The following ITGB8 variants were observed in gnomAD, a reference collection of about 807,000 sequenced individuals.
ITGB8 encodes the protein integrin subunit beta 8.
A neutral mutation model predicts 89.5 loss-of-function variants in ITGB8; 30 were observed. That is an observed-to-expected ratio of 0.34 (90% confidence interval 0.25 to 0.45). The LOEUF (loss-of-function observed/expected upper bound fraction) is 0.45. Among genes scored for constraint, ITGB8 ranks in the 20% least tolerant of loss-of-function variants. ITGB8 has a pLI of 1.00. For missense variants in ITGB8, 836 were observed against 933.3 expected (o/e 0.90, Z 1.36); for synonymous variants, 335 against 320.4 (o/e 1.05, Z -0.49).
At chr7:20,386,405 A>ATT (rs759304002) in intron 6 of ITGB8, among the ~76,000 whole-genome samples, 4,740 of 80,068 alleles carry the variant, frequency 0.059, 36 homozygotes, top group African/African-American at 0.1. Flanking sequence ...CACCTGGCTA[A>ATT]TTTTTTTTTT....
rs530666175 is a variant in ITGB8 at position 20,372,904 on chromosome 7, A to T, written c.388+5718A>T. On this transcript the variant is annotated intron_variant, in intron 3 of 13. Transcript: ENST00000222573. ...AAAAAATGAATTTGACATCAAAGAC[A>T]TATCCGTCTTAGGGCATAATATATA... Among the ~76,000 whole-genome samples, 6 of 152,332 alleles carry T rather than the reference A, an allele frequency of 3.9e-5. No individual in the cohort carries two copies. The South Asian group carries it at 1.0e-3, about 26-fold the overall frequency.
chr7:20,387,471 G>T (rs1191673196), intron 6 of ITGB8, among the ~76,000 whole-genome samples: 1 of 152,244 alleles, frequency 6.6e-6, no homozygotes, highest in Non-Finnish European at 1.5e-5. Flanking sequence ...GGTTCAGACA[G>T]CTGCCCAGTG....
chr7:20,344,878 TG>T (rs1322837399), intron 1 of ITGB8, among the ~76,000 whole-genome samples: 2 of 152,206 alleles, frequency 1.3e-5, no homozygotes, highest in East Asian at 1.9e-4. Flanking sequence ...ACACTGTGCC[TG>T]GTATTGCTGT....
At chr7:20,408,922 G>T (rs1433515211) in intron 12 of ITGB8, among the ~76,000 whole-genome samples, 1 of 152,064 alleles carries the variant, frequency 6.6e-6, no homozygotes, top group Non-Finnish European at 1.5e-5. Context: ...ATGTTTAGAG[G>T]CAAATGGAAT....
rs118037448 is a variant in ITGB8, at chr7:20,382,991, C to T, written c.960+1106C>T. On this transcript the variant is annotated intron_variant, in intron 6 of 13. Transcript: ENST00000222573. ...TTGGTACCTGATACATGCTGAATGT[C>T]ACTGTATTTCTCTTGAAGATTTAAA... Among the ~76,000 whole-genome samples the T allele has an allele frequency of 8.9e-4, 136 of 152,340 alleles. 1 individual carries two copies. In the East Asian group the frequency reaches 0.024, roughly 27 times the overall value.
intron 3 of ITGB8, among the ~76,000 whole-genome samples, chr7:20,377,058 G>A (rs1048862282): frequency 6.6e-6 from 1 of 152,120 alleles, no homozygotes; most frequent in African/African-American, 2.4e-5. Context: ...GGGCCCTTGT[G>A]TGGCTAGCAT....
chr7:20,400,450 A>G (rs1256033425), intron 9 of ITGB8, among the ~76,000 whole-genome samples: 3 of 152,198 alleles, frequency 2.0e-5, no homozygotes, highest in Admixed American at 2.0e-4. Context: ...ATATTATGGA[A>G]CAAATTCTAA....
intron 10 of ITGB8, among the ~76,000 whole-genome samples, chr7:20,403,786 G>GA: frequency 5.0e-5 from 1 of 20,074 alleles, no homozygotes. Context: ...GAGGAAGGAA[G>GA]GGAGAGGGAG....
chr7:20,351,226 T>C (rs1235652150), intron 1 of ITGB8, among the ~76,000 whole-genome samples: 1 of 152,256 alleles, frequency 6.6e-6, no homozygotes, highest in African/African-American at 2.4e-5. Flanking sequence ...ATAATAGTAC[T>C]AATTAGCCAG....
chr7:20,375,582 T>C (rs1295070766), intron 3 of ITGB8, among the ~76,000 whole-genome samples: 1 of 152,208 alleles, frequency 6.6e-6, no homozygotes, highest in Non-Finnish European at 1.5e-5. Context: ...TTACTTAGGT[T>C]ACTTTCTGAG....
chr7:20,368,967 T>C (rs1562673357), intron 3 of ITGB8, among the ~76,000 whole-genome samples: 1 of 152,250 alleles, frequency 6.6e-6, no homozygotes, highest in Non-Finnish European at 1.5e-5. Context: ...CTTCAGGATC[T>C]TAATCCAGGC....
chr7:20,400,086 G>A (rs1341870356), intron 9 of ITGB8, among the ~76,000 whole-genome samples: 1 of 152,128 alleles, frequency 6.6e-6, no homozygotes, highest in East Asian at 1.9e-4. Context: ...TAAAACTACA[G>A]AGAAAACTTT....
chr7:20,339,020 T>C (rs529740268), intron 1 of ITGB8, among the ~76,000 whole-genome samples: 57 of 152,140 alleles, frequency 3.7e-4, no homozygotes, highest in African/African-American at 1.2e-3. Context: ...GGTGAAACCC[T>C]GTCTCTACTA....
chr7:20,362,369 C>A (rs1354498142), intron 1 of ITGB8, among the ~76,000 whole-genome samples: 1 of 152,188 alleles, frequency 6.6e-6, no homozygotes, highest in Non-Finnish European at 1.5e-5. Flanking sequence ...TGTGCACATG[C>A]ACACAGTTTT....
At position 20,391,631 on chromosome 7, in the gene ITGB8, C is replaced by G. The variant is rs1207871641; in HGVS notation, c.1056+133C>G. ...ACAATCTAAATTCTATATTGTATTA[C>G]TAAAGTATCCTTTACAATGTCTTAA... On this transcript the variant is annotated intron_variant, in intron 7 of 13. Coordinates refer to ENST00000222573, the MANE Select transcript of ITGB8 (RefSeq NM_002214.3). 6 of 487,436 alleles carry G rather than the reference C, an allele frequency of 1.2e-5. No individual in the cohort carries two copies. In the East Asian group the frequency reaches 2.1e-4, roughly 17 times the overall value. 30.2% of individuals were successfully genotyped at this position (487,436 alleles called of 1,614,324 possible).
At chr7:20,350,807 A>G (rs1785089569) in intron 1 of ITGB8, among the ~76,000 whole-genome samples, 1 of 152,150 alleles carries the variant, frequency 6.6e-6, no homozygotes, top group East Asian at 1.9e-4. Flanking sequence ...TCCGAACACC[A>G]CTTCCTATGC....
intron 3 of ITGB8, among the ~76,000 whole-genome samples, chr7:20,371,301 T>C (rs931616593): frequency 5.9e-5 from 9 of 152,188 alleles, no homozygotes; most frequent in African/African-American, 2.2e-4. Context: ...ATAAGAGTTA[T>C]AAACATTTTG....
In ITGB8 at chr7:20,353,848, C is replaced by T. The variant is rs1435824485; in HGVS notation, c.128-9789C>T. ...ACGGGAGGCTGAGGCAGGAGAATGG[C>T]GTGAACCCGGGAGGCGAAGCTTGCA... On this transcript the variant is annotated intron_variant, in intron 1 of 13. Coordinates refer to ENST00000222573, the MANE Select transcript of ITGB8 (RefSeq NM_002214.3). Among the ~76,000 whole-genome samples, 11 of 131,874 alleles carry T rather than the reference C, an allele frequency of 8.3e-5. 1 individual carries two copies. The highest frequency in any genetic ancestry group is 3.0e-4 in the African/African-American group (10 of 33,514). The allele number at this position is 131,874 out of a possible 152,430, so 86.5% of individuals were successfully genotyped here.
At chr7:20,407,931 T>C (rs1181702745) in intron 12 of ITGB8, among the ~76,000 whole-genome samples, 2 of 152,214 alleles carry the variant, frequency 1.3e-5, no homozygotes, top group Non-Finnish European at 2.9e-5. Flanking sequence ...TAGAAATATT[T>C]CTAAAATGTG....
Sources: gnomAD v4.1 joint callset for allele counts (sites outside exome capture counted in the v4.1 genomes callset) on GRCh38, gnomAD v4.1.1 for gene constraint, MANE v1.5 for transcripts, NCBI Gene and HGNC (gene_info 2026-07-23, HGNC 2026-07-21) for gene names.